Variants in AKR1B1 observed in about 807,000 individuals in gnomAD.
AKR1B1 encodes the protein aldo-keto reductase family 1 member B1.
In AKR1B1, 22 loss-of-function variants were observed where a neutral mutation model predicts 40.4. The observed-to-expected ratio is 0.54, with a 90% CI of 0.39 to 0.78. The LOEUF (loss-of-function observed/expected upper bound fraction) is 0.78, where lower values mean the gene tolerates loss of function less well. Ranked by LOEUF, AKR1B1 falls within the 30% of genes least tolerant of loss-of-function variation. The pLI is 0.00. For synonymous variants in AKR1B1, 157 were observed against 149.9 expected, an observed-to-expected ratio of 1.05 and a Z score of -0.35; for missense variants, 357 against 396.7, an observed-to-expected ratio of 0.90 and a Z score of 0.85.
At chr7:134,450,220 G>A (rs1225665203) in intron 3 of AKR1B1, among the ~76,000 whole-genome samples, 5 of 152,194 alleles carry the variant, frequency 3.3e-5, no homozygotes, top group African/African-American at 1.2e-4. Flanking sequence ...ACAGGGCTAC[G>A]GGATAAAGCT....
At chr7:134,447,643 C>G (rs1224415482) in intron 7 of AKR1B1, 1 of 620,966 alleles carries the variant, frequency 1.6e-6, no homozygotes, top group Non-Finnish European at 2.9e-6. Context: ...AGGCCCTCCA[C>G]TGGCTAGAAA....
At chr7:134,449,669 A>C in intron 4 of AKR1B1, 51 bp downstream of exon 4, 1 of 1,377,948 alleles carries the variant, frequency 7.3e-7, no homozygotes. Flanking sequence ...TGCTTCTAAG[A>C]AGAAGAGGGA....
At position 134,448,480 on chromosome 7, in the gene AKR1B1, G is replaced by A; in HGVS notation, c.566C>T (p.Pro189Leu). ...GATTAACTTCTCCTGAGTGAGATAT[G>A]GGTGGCACTCAATCTGCAAATGCAA... ...KPAVNQIECH[P>L]YLTQEKLIQY... The change falls in exon 6 of 10, where the codon CCA becomes CTA. Residue 189 changes from proline (P) to leucine (L), a missense_variant. By Grantham distance (98) the Pro-to-Leu change is moderately conservative. Transcript: ENST00000285930. 1 of 1,613,686 alleles carries A rather than the reference G, an allele frequency of 6.2e-7. No homozygotes were observed. The highest frequency in any genetic ancestry group is 8.5e-7 in the Non-Finnish European group (1 of 1,179,638).
At chr7:134,459,106 T>C (rs1192520325), upstream of AKR1B1, 3 of 1,576,110 alleles carry the variant, frequency 1.9e-6, no homozygotes, top group South Asian at 1.2e-5. Context: ...GGTGCGGCCT[T>C]GGCCGCGGCG....
chr7:134,455,443 G>C (rs557668565), intron 1 of AKR1B1, among the ~76,000 whole-genome samples: 39 of 152,198 alleles, frequency 2.6e-4, no homozygotes, highest in African/African-American at 8.9e-4. Context: ...ATACATAGGA[G>C]ACTTACAATG....
chr7:134,458,409 A>C (rs765805315), intron 1 of AKR1B1, among the ~76,000 whole-genome samples: 113 of 152,218 alleles, frequency 7.4e-4, no homozygotes, highest in Non-Finnish European at 1.4e-3. Flanking sequence ...CCTTGTTAAC[A>C]GCTGGGTCCG....
intron 1 of AKR1B1, among the ~76,000 whole-genome samples, chr7:134,457,435 G>A (rs571006028): frequency 6.6e-6 from 1 of 152,232 alleles, no homozygotes; most frequent in Non-Finnish European, 1.5e-5. Flanking sequence ...TTGGTGTCAT[G>A]GTTGTAATTC....
At chr7:134,452,902 G>T (rs1806333394) in intron 1 of AKR1B1, among the ~76,000 whole-genome samples, 1 of 152,200 alleles carries the variant, frequency 6.6e-6, no homozygotes, top group South Asian at 2.1e-4. Context: ...GCGAGGCAGG[G>T]TGGGGATGCT....
At chr7:134,450,993 C>T (rs946249945) in intron 2 of AKR1B1, 91 bp from the exon 3 acceptor site, 1 of 1,046,780 alleles carries the variant, frequency 9.6e-7, no homozygotes, top group African/African-American at 1.6e-5. Context: ...CCCCAAAACC[C>T]ATTTGCTTTA....
intron 1 of AKR1B1, among the ~76,000 whole-genome samples, chr7:134,455,045 G>A (rs565438400): frequency 6.6e-6 from 1 of 152,292 alleles, no homozygotes; most frequent in East Asian, 1.9e-4. Flanking sequence ...TTACCTCCAT[G>A]CCCACAGCGC....
intron 8 of AKR1B1, among the ~76,000 whole-genome samples, chr7:134,446,264 CT>C (rs1456350652): frequency 2.0e-5 from 3 of 152,210 alleles, no homozygotes; most frequent in Non-Finnish European, 2.9e-5. Flanking sequence ...CTTAGAACAT[CT>C]ACCTGCACGT....
chr7:134,448,348 A>T (rs762779778), intron 6 of AKR1B1, 39 bp downstream of exon 6: 2 of 1,521,024 alleles, frequency 1.3e-6, no homozygotes, highest in Non-Finnish European at 1.8e-6. Flanking sequence ...TCTAATCTTC[A>T]CCAAGTGACA....
At position 134,447,380 on chromosome 7, in the gene AKR1B1, A is replaced by G; in HGVS notation, c.743T>C (p.Val248Ala). The change falls in exon 8 of 10, where the codon GTC (valine) becomes GCC (alanine). Residue 248 changes from valine (V) to alanine (A), a missense_variant and splice_region_variant. Physicochemically the swap from Val to Ala is moderately conservative, Grantham distance 64 (BLOSUM62 0). Transcript: ENST00000285930. ...AAKHNKTTAQ[V>A]LIRFPMQRNL... ...CCTCTGCATGGGGAACCGGATCAGG[A>G]CCTGTGAGCCCAAGGAGACAGTGAG... 6.2e-7 allele frequency: 1 copy of G among 1,613,930 alleles called. No homozygotes were observed. The highest frequency in any genetic ancestry group is 8.5e-7 in the Non-Finnish European group (1 of 1,179,934).
chr7:134,450,945 G>A, intron 2 of AKR1B1, 43 bp from the exon 3 acceptor site: 1 of 1,526,936 alleles, frequency 6.5e-7, no homozygotes, highest in Non-Finnish European at 9.1e-7. Flanking sequence ...CCAGCCACAA[G>A]GCAGCTTCCT....
chr7:134,443,031 C>A (rs541224294), intron 9 of AKR1B1, among the ~76,000 whole-genome samples: 3 of 152,268 alleles, frequency 2.0e-5, no homozygotes, highest in Admixed American at 1.3e-4. Context: ...GTGCCTGGGC[C>A]GTGCAGGACG....
At chr7:134,457,026 T>A (rs1173777177) in intron 1 of AKR1B1, among the ~76,000 whole-genome samples, 1 of 152,068 alleles carries the variant, frequency 6.6e-6, no homozygotes, top group Non-Finnish European at 1.5e-5. Context: ...TGGTCCCAGC[T>A]ACTTGGGAGG....
intron 8 of AKR1B1, among the ~76,000 whole-genome samples, chr7:134,445,621 A>ATGGG (rs1806069209): frequency 6.6e-6 from 1 of 152,236 alleles, no homozygotes; most frequent in Non-Finnish European, 1.5e-5. Flanking sequence ...GAATATAATT[A>ATGGG]TGGGTAAGAT....
chr7:134,452,428 G>A lies in AKR1B1; in HGVS notation c.67-675C>T, dbSNP rs540274708. Among the ~76,000 whole-genome samples, 4 of 152,338 alleles carry A rather than the reference G, an allele frequency of 2.6e-5. No individual in the cohort carries two copies. In the South Asian group the frequency reaches 6.2e-4, roughly 24 times the overall value. On this transcript the variant is annotated intron_variant, in intron 1 of 9. Transcript: ENST00000285930. ...AAATAAGTTAAAGGGAAACGAGGGG[G>A]AATGTGGATCATGGAAGATCACCAA... is the stretch of plus-strand genomic sequence containing the variant.
At chr7:134,458,952 A>G in intron 1 of AKR1B1, 45 bp downstream of exon 1, 1 of 1,573,448 alleles carries the variant, frequency 6.4e-7, no homozygotes, top group Non-Finnish European at 8.6e-7. Context: ...GGCCGCGCGG[A>G]GAGTGTGAGG....
Sources: gnomAD v4.1 joint callset for allele counts (sites outside exome capture counted in the v4.1 genomes callset) on GRCh38, gnomAD v4.1.1 for gene constraint, MANE v1.5 for transcripts, NCBI Gene and HGNC (gene_info 2026-07-23, HGNC 2026-07-21) for gene names.